SPIRE1: variants seen among roughly 807,000 people sequenced by gnomAD.
SPIRE1 encodes the protein protein spire homolog 1.
A neutral mutation model predicts 94.1 loss-of-function variants in SPIRE1; 40 were observed. The ratio of observed to expected loss-of-function variants is 0.43; its 90% confidence interval spans 0.33 to 0.55. The LOEUF (loss-of-function observed/expected upper bound fraction) is 0.55. Among genes scored for constraint, SPIRE1 ranks in the 20% least tolerant of loss-of-function variants. The pLI is 0.06. For synonymous variants in SPIRE1, 376 were observed against 371.7 expected, an observed-to-expected ratio of 1.01 and a Z score of -0.13; for missense variants, 838 against 975.2, an observed-to-expected ratio of 0.86 and a Z score of 1.87.
chr18:12,461,595 A>ATGTGTGTATATGTATGTATGTATG (rs1568184390), intron 12 of SPIRE1, among the ~76,000 whole-genome samples: 140 of 148,846 alleles, frequency 9.4e-4, no homozygotes, highest in African/African-American at 2.5e-3. Context: ...ATATACATAC[A>ATGTGTGTATATGTATGTATGTATG]TACACACACA....
intron 12 of SPIRE1, among the ~76,000 whole-genome samples, chr18:12,459,156 A>G (rs1057018656): frequency 2.3e-4 from 35 of 152,266 alleles, no homozygotes; most frequent in African/African-American, 7.5e-4. Flanking sequence ...AAAAAACAGT[A>G]ATATAATGCA....
chr18:12,513,179 T>G (rs1214743466), intron 4 of SPIRE1, among the ~76,000 whole-genome samples: 2 of 152,192 alleles, frequency 1.3e-5, no homozygotes, highest in Non-Finnish European at 2.9e-5. Context: ...AATATATATT[T>G]ATCAAGTAAT....
intron 16 of SPIRE1, among the ~76,000 whole-genome samples, chr18:12,451,321 G>A (rs927678813): frequency 2.6e-5 from 4 of 151,618 alleles, no homozygotes; most frequent in African/African-American, 9.7e-5. Context: ...GTATTTGTGC[G>A]ATTATTTATT....
chr18:12,463,316 T>A lies in SPIRE1; in HGVS notation c.1638+35A>T, dbSNP rs374310253. 26 of 1,563,826 alleles carry A rather than the reference T, an allele frequency of 1.7e-5. No individual in the cohort carries two copies. In the African/African-American group the frequency reaches 3.1e-4, roughly 19 times the overall value. The stretch of plus-strand genomic sequence containing the variant: ...TAATGATTCTATGTCTTCTAGCTGG[T>A]CCCTAAGTTACTACAAAGTCTTTCC... On this transcript the variant is annotated intron_variant, in intron 12 of 16. Coordinates refer to ENST00000409402, the MANE Select transcript of SPIRE1 (RefSeq NM_001128626.2).
chr18:12,610,215 G>T (rs2037100056), intron 2 of SPIRE1, among the ~76,000 whole-genome samples: 1 of 152,092 alleles, frequency 6.6e-6, no homozygotes, highest in Non-Finnish European at 1.5e-5. Flanking sequence ...AATTCTTGGT[G>T]ATTTTAACAT....
chr18:12,492,947 C>A, intron 8 of SPIRE1, 125 bp downstream of exon 8: 7 of 1,116,886 alleles, frequency 6.3e-6, no homozygotes, highest in Non-Finnish European at 8.8e-6. Context: ...AGAGGGAGAA[C>A]AAGTGAGTGA....
intron 4 of SPIRE1, among the ~76,000 whole-genome samples, chr18:12,517,654 C>T (rs72877256): frequency 0.12 from 18,328 of 152,132 alleles, 1,385 homozygotes; most frequent in East Asian, 0.32. Flanking sequence ...CTGACATTAC[C>T]ATTCTCAAGC....
chr18:12,654,759 G>A (rs1308131182), intron 1 of SPIRE1, among the ~76,000 whole-genome samples: 2 of 152,050 alleles, frequency 1.3e-5, no homozygotes, highest in African/African-American at 2.4e-5. Context: ...GTCAGGCGCA[G>A]TGGCTCACGC....
intron 4 of SPIRE1, among the ~76,000 whole-genome samples, chr18:12,513,174 A>G (rs2034091424): frequency 6.6e-6 from 1 of 152,200 alleles, no homozygotes; most frequent in African/African-American, 2.4e-5. Context: ...TGCTCAATAT[A>G]TATTTATCAA....
At chr18:12,596,719 T>C (rs1329882598) in intron 2 of SPIRE1, among the ~76,000 whole-genome samples, 1 of 152,192 alleles carries the variant, frequency 6.6e-6, no homozygotes, top group African/African-American at 2.4e-5. Context: ...TGAATGTGTA[T>C]ATTATATATC....
At chr18:12,542,389 C>A (rs987109164) in intron 3 of SPIRE1, among the ~76,000 whole-genome samples, 1 of 152,204 alleles carries the variant, frequency 6.6e-6, no homozygotes, top group Non-Finnish European at 1.5e-5. Flanking sequence ...TTAATAGTCA[C>A]ATGTGGCTAG....
chr18:12,505,907 C>T (rs565639704), intron 6 of SPIRE1, among the ~76,000 whole-genome samples: 5 of 152,234 alleles, frequency 3.3e-5, no homozygotes, highest in African/African-American at 9.6e-5. Flanking sequence ...TCTATATTAA[C>T]TCACTTTGAC....
intron 6 of SPIRE1, among the ~76,000 whole-genome samples, chr18:12,505,551 TCAAAAAAAAAAAAAAA>T (rs2033801594): frequency 1.1e-5 from 1 of 90,904 alleles, no homozygotes; most frequent in Non-Finnish European, 2.5e-5. Context: ...AGACCCTGTC[TCAAAAAAAAAAAAAAA>T]CAAAAAAACT....
At chr18:12,517,481 A>G (rs2034231133) in intron 4 of SPIRE1, among the ~76,000 whole-genome samples, 1 of 152,076 alleles carries the variant, frequency 6.6e-6, no homozygotes, top group African/African-American at 2.4e-5. Context: ...TAAATTACAG[A>G]TTTTTCTTGT....
chr18:12,647,285 T>G (rs1468419384), intron 1 of SPIRE1, among the ~76,000 whole-genome samples: 1 of 152,218 alleles, frequency 6.6e-6, no homozygotes. Context: ...GAATTAGCAA[T>G]TGCACTTTTA....
At chr18:12,548,774 G>A (rs1357196909) in intron 2 of SPIRE1, among the ~76,000 whole-genome samples, 3 of 151,718 alleles carry the variant, frequency 2.0e-5, no homozygotes, top group African/African-American at 7.3e-5. Context: ...CACCAGGCCT[G>A]GCTAATTTTT....
intron 4 of SPIRE1, among the ~76,000 whole-genome samples, chr18:12,528,070 A>C (rs2034577576): frequency 6.6e-6 from 1 of 151,938 alleles, no homozygotes; most frequent in Non-Finnish European, 1.5e-5. Context: ...AAAAAAAAAA[A>C]AAGTTAAAGG....
chr18:12,584,404 T>C (rs965571145), intron 2 of SPIRE1, among the ~76,000 whole-genome samples: 3 of 151,460 alleles, frequency 2.0e-5, no homozygotes, highest in African/African-American at 7.3e-5. Context: ...CACTCCAGCC[T>C]GGGCAACAGA....
chr18:12,473,961 G>C (rs1053970274), intron 10 of SPIRE1, among the ~76,000 whole-genome samples: 1 of 152,158 alleles, frequency 6.6e-6, no homozygotes, highest in Non-Finnish European at 1.5e-5. Context: ...TGGAAAAGGA[G>C]ATTAAATAAG....
Sources: allele counts gnomAD v4.1 joint callset (sites outside exome capture counted in the v4.1 genomes callset), GRCh38; gene constraint gnomAD v4.1.1; transcripts MANE v1.5; gene names NCBI Gene and HGNC (gene_info 2026-07-23, HGNC 2026-07-21).